GLG1: variants seen among roughly 807,000 people sequenced by gnomAD.
GLG1 encodes the protein golgi glycoprotein 1.
In GLG1, 38 loss-of-function variants were observed where a neutral mutation model predicts 160.5. The ratio of observed to expected loss-of-function variants is 0.24; its 90% CI spans 0.18 to 0.31. The LOEUF (loss-of-function observed/expected upper bound fraction) is 0.31. Ranked by LOEUF, GLG1 falls within the 10% of genes least tolerant of loss-of-function variation. The probability of loss-of-function intolerance (pLI) is 1.00; values close to 1 mark genes in which losing one functional copy is unlikely to be tolerated. For synonymous variants in GLG1, 644 were observed against 543.4 expected (o/e 1.19, Z -2.57); for missense variants, 1,373 against 1,505.2 (o/e 0.91, Z 1.45).
intron 2 of GLG1, among the ~76,000 whole-genome samples, chr16:74,512,354 C>T (rs2016840714): frequency 7.0e-6 from 1 of 143,300 alleles, no homozygotes; most frequent in Non-Finnish European, 1.6e-5. Context: ...ACCTCCGCCC[C>T]CCGGGTTCAA....
chr16:74,518,920 A>G (rs1055626645), intron 2 of GLG1, among the ~76,000 whole-genome samples: 1 of 152,208 alleles, frequency 6.6e-6, no homozygotes, highest in African/African-American at 2.4e-5. Context: ...TGTGGAAGAC[A>G]CTGTGATGAT....
At chr16:74,453,527 G>A (rs2014408833) in intron 25 of GLG1, among the ~76,000 whole-genome samples, 193 bp from the exon 26 acceptor site, 1 of 152,158 alleles carries the variant, frequency 6.6e-6, no homozygotes, top group Non-Finnish European at 1.5e-5. Flanking sequence ...CACGTCTACT[G>A]CACAAAATTA....
chr16:74,493,481 T>A (rs151281053), intron 6 of GLG1, among the ~76,000 whole-genome samples: 3 of 152,364 alleles, frequency 2.0e-5, no homozygotes, highest in Non-Finnish European at 2.9e-5. Context: ...CGAACATAAA[T>A]TTCACTAGCA....
intron 1 of GLG1, among the ~76,000 whole-genome samples, chr16:74,576,657 G>A (rs1421585621): frequency 6.6e-6 from 1 of 152,084 alleles, no homozygotes; most frequent in Non-Finnish European, 1.5e-5. Context: ...GATATAAATG[G>A]GGCATAAATG....
chr16:74,459,699 T>C lies in GLG1; in HGVS notation c.3127A>G (p.Thr1043Ala). Reference protein sequence around the residue: ...CLKVNLLKIKTELCKKEVLNM... With the variant: ...CLKVNLLKIKAELCKKEVLNM... ...GTGGTTACCTTTTTACACAATTCTG[T>C]TTTGATCTTGAGCAGGTTGACCTTG... The change falls in exon 23 of 26, where the codon ACA becomes GCA. Residue 1043 changes from threonine to alanine, a missense_variant. Physicochemically the swap from Thr to Ala is moderately conservative, Grantham distance 58 (BLOSUM62 0). Transcript: ENST00000422840. The C allele has an allele frequency of 1.3e-6, 2 of 1,572,140 alleles. No individual in the cohort carries two copies. Among genetic ancestry groups the C allele is most frequent in the Non-Finnish European group, 1.7e-6 (2 of 1,145,328 alleles).
intron 2 of GLG1, among the ~76,000 whole-genome samples, chr16:74,525,798 T>C (rs1189413638): frequency 6.6e-6 from 1 of 150,816 alleles, no homozygotes; most frequent in African/African-American, 2.4e-5. Flanking sequence ...TCTCTCATTG[T>C]ATAGGCTGCC....
At chr16:74,540,036 TTATATATATATTATATATATTTTA>T (rs2017799827) in intron 1 of GLG1, among the ~76,000 whole-genome samples, 2 of 17,656 alleles carry the variant, frequency 1.1e-4, no homozygotes, top group African/African-American at 5.0e-4. Flanking sequence ...TATATATATT[TTATATATATATTATATATATTTTA>T]TATATATATA....
In GLG1 at chr16:74,573,581, CTTTTTTT is replaced by C. The variant is rs34868210; in HGVS notation, c.438+33069_438+33075del. 6.0e-3 allele frequency among the ~76,000 whole-genome samples: 621 copies of C among 102,652 alleles called. 17 individuals carry two copies. The highest frequency in any genetic ancestry group is 0.06 in the Admixed American group (567 of 9,426). The allele number at this position is 102,652 out of a possible 152,430, so 67.3% of individuals were successfully genotyped here. A position where few individuals can be genotyped will look rare whatever the true frequency, so the allele number is the denominator to read the frequency against. Reference sequence around the variant, plus strand: ...TTCCTTCCCCTTTTATTTATCTTGCCTTTTTTTTTTTTTTTTTTTTTTTAAATAGAGA... The same window carrying C: ...TTCCTTCCCCTTTTATTTATCTTGCCTTTTTTTTTTTTTTTTAAATAGAGA... On this transcript the variant is annotated intron_variant, in intron 1 of 25. Coordinates refer to ENST00000422840, the MANE Select transcript of GLG1 (RefSeq NM_001145667.2).
intron 1 of GLG1, among the ~76,000 whole-genome samples, chr16:74,573,277 G>A (rs2018888628): frequency 1.3e-5 from 2 of 152,274 alleles, no homozygotes; most frequent in East Asian, 1.9e-4. Context: ...GTAGGCAGAT[G>A]AGAGATGCAA....
chr16:74,540,948 T>C (rs2017846617), intron 1 of GLG1, among the ~76,000 whole-genome samples: 1 of 152,144 alleles, frequency 6.6e-6, no homozygotes, highest in Non-Finnish European at 1.5e-5. Flanking sequence ...GTTTATAAAC[T>C]GCTTTGTAGG....
chr16:74,572,780 A>C (rs2018868447), intron 1 of GLG1, among the ~76,000 whole-genome samples: 1 of 151,932 alleles, frequency 6.6e-6, no homozygotes, highest in Non-Finnish European at 1.5e-5. Context: ...ACTGAACCCA[A>C]GGATAGTGAG....
At chr16:74,497,310 AC>A (rs372837479) in intron 4 of GLG1, among the ~76,000 whole-genome samples, 79,423 of 149,542 alleles carry the variant, frequency 0.53, 21,823 homozygotes, top group African/African-American at 0.65. Context: ...ACACACACAC[AC>A]ACACAAAAAA....
In GLG1 at chr16:74,492,983, A is replaced by G. The variant is rs762159317; in HGVS notation, c.1208T>C (p.Met403Thr). The G allele has an allele frequency of 1.1e-5, 17 of 1,613,104 alleles. No individual in the cohort carries two copies. The South Asian group carries it at 1.9e-4, about 18-fold the overall frequency. The change falls in exon 7 of 26, where the codon ATG becomes ACG. Residue 403 changes from methionine to threonine, a missense_variant. Transcript: ENST00000422840. Reference sequence around the variant, plus strand: ...TCTGTGTACAGCTGACTCCAGGCACATTAACAAGTAGGAGAGCCTGGCTTC... The same window carrying G: ...TCTGTGTACAGCTGACTCCAGGCACGTTAACAAGTAGGAGAGCCTGGCTTC... ...SREARLSYLL[M>T]CLESAVHRGR...
intron 23 of GLG1, 200 bp from the exon 24 acceptor site, chr16:74,458,194 C>A: frequency 2.1e-6 from 1 of 481,388 alleles, no homozygotes. Flanking sequence ...TTTAGGGATA[C>A]AAAACTGTGT....
At chr16:74,562,695 A>T (rs2018542414) in intron 1 of GLG1, among the ~76,000 whole-genome samples, 2 of 152,184 alleles carry the variant, frequency 1.3e-5, no homozygotes, top group African/African-American at 4.8e-5. Flanking sequence ...CCTGGGTTCC[A>T]GAGACCTGAC....
intron 4 of GLG1, among the ~76,000 whole-genome samples, chr16:74,501,502 A>G (rs2016402196): frequency 6.6e-6 from 1 of 152,258 alleles, no homozygotes; most frequent in Non-Finnish European, 1.5e-5. Flanking sequence ...ATTTTCTGCA[A>G]TCGTTTCAGT....
chr16:74,514,760 A>G (rs1217518889), intron 2 of GLG1, among the ~76,000 whole-genome samples: 1 of 152,254 alleles, frequency 6.6e-6, no homozygotes, highest in Non-Finnish European at 1.5e-5. Context: ...AGCTAGCATC[A>G]TAATGACAGG....
At position 74,473,261 on chromosome 16, in the gene GLG1, G is replaced by C. The variant is rs183001774; in HGVS notation, c.2053-850C>G. Among the ~76,000 whole-genome samples the C allele has an allele frequency of 7.2e-3, 1,092 of 151,490 alleles. 2 individuals are homozygous for C. The highest frequency in any genetic ancestry group is 0.011 in the Non-Finnish European group (723 of 67,862). On this transcript the variant is annotated intron_variant, in intron 13 of 25. Coordinates refer to ENST00000422840, the MANE Select transcript of GLG1 (RefSeq NM_001145667.2). The stretch of plus-strand genomic sequence containing the variant: ...CGGAGTCTGGCTCTGTGGCCCAGGC[G>C]GGAGTGCAATGGTGCAATCTCGGCT...
intron 14 of GLG1, 34 bp from the exon 15 acceptor site, chr16:74,471,320 G>A (rs2015200682): frequency 8.5e-7 from 1 of 1,175,028 alleles, no homozygotes; most frequent in Non-Finnish European, 1.3e-6. Context: ...CACTTCATTG[G>A]TAACAATTAA....
Sources: allele counts gnomAD v4.1 joint callset (sites outside exome capture counted in the v4.1 genomes callset), GRCh38; gene constraint gnomAD v4.1.1; transcripts MANE v1.5; gene names NCBI Gene and HGNC (gene_info 2026-07-23, HGNC 2026-07-21).